The following SENP7 variants were observed in gnomAD, a reference collection of about 807,000 sequenced individuals.
SENP7 encodes SUMO specific peptidase 7.
A neutral mutation model predicts 141.2 loss-of-function variants in SENP7; 64 were observed. That is an observed-to-expected ratio of 0.45 (90% CI 0.37 to 0.56). The LOEUF (loss-of-function observed/expected upper bound fraction) is 0.56, where lower values mean the gene tolerates loss of function less well. SENP7 is among the 20% of genes least tolerant of loss of function. The pLI is 0.00. For missense variants in SENP7, 1,025 were observed against 1,212.2 expected, an observed-to-expected ratio of 0.85 and a Z score of 2.29; for synonymous variants, 382 against 426.4, an observed-to-expected ratio of 0.90 and a Z score of 1.28.
At chr3:101,329,956 GAA>G (rs1203567505) in intron 20 of SENP7, among the ~76,000 whole-genome samples, 3 of 57,320 alleles carry the variant, frequency 5.2e-5, no homozygotes, top group African/African-American at 6.6e-5. Flanking sequence ...CCATCACAAA[GAA>G]AAAAAAAAAA....
Position 101,386,671 on chromosome 3 carries a change from C to A in SENP7, c.677+12190G>T, listed in dbSNP as rs188603175. ...GCACTCTAGCCCAGACAGTATCCTG[C>A]GTGCCAGAAAACAAGTAGTGCAATG... is the stretch of plus-strand genomic sequence containing the variant. On this transcript the variant is annotated intron_variant, in intron 6 of 23. Coordinates refer to ENST00000394095, the MANE Select transcript of SENP7 (RefSeq NM_020654.5). Among the ~76,000 whole-genome samples, 954 of 152,296 alleles carry A rather than the reference C, an allele frequency of 6.3e-3. 4 individuals are homozygous for A. The highest frequency in any genetic ancestry group is 0.011 in the Admixed American group (162 of 15,300).
chr3:101,332,960 G>T (rs1351319785), intron 17 of SENP7, 98 bp from the exon 18 acceptor site: 1 of 1,169,350 alleles, frequency 8.6e-7, no homozygotes, highest in African/African-American at 1.6e-5. Flanking sequence ...CTTAAATTTA[G>T]TTTAACCATC....
chr3:101,454,508 C>T (rs1425019935), intron 4 of SENP7, among the ~76,000 whole-genome samples: 1 of 151,560 alleles, frequency 6.6e-6, no homozygotes, highest in Non-Finnish European at 1.5e-5. Context: ...GAGACTCCAT[C>T]TCAAAAGAAA....
intron 5 of SENP7, among the ~76,000 whole-genome samples, chr3:101,405,232 C>A (rs1234421116): frequency 6.6e-6 from 1 of 152,184 alleles, no homozygotes; most frequent in Non-Finnish European, 1.5e-5. Flanking sequence ...GGCTGAGAGA[C>A]CCATAGATGG....
chr3:101,418,943 G>A (rs1198676193), intron 4 of SENP7, among the ~76,000 whole-genome samples: 2 of 152,100 alleles, frequency 1.3e-5, no homozygotes, highest in Non-Finnish European at 2.9e-5. Context: ...GTATAATCTG[G>A]AGTTTCAGCT....
At chr3:101,354,647 T>C (rs1436079649) in intron 11 of SENP7, among the ~76,000 whole-genome samples, 1 of 152,120 alleles carries the variant, frequency 6.6e-6, no homozygotes, top group Non-Finnish European at 1.5e-5. Context: ...TCTGTCATTG[T>C]TGGGCACTTA....
intron 5 of SENP7, chr3:101,414,081 T>C (rs760812739): frequency 6.7e-6 from 2 of 299,614 alleles, no homozygotes; most frequent in East Asian, 6.5e-5. Flanking sequence ...GTTACTACCA[T>C]AGTAATAAAG....
intron 3 of SENP7, among the ~76,000 whole-genome samples, chr3:101,478,901 T>C (rs748556569): frequency 2.0e-5 from 3 of 152,062 alleles, no homozygotes; most frequent in Non-Finnish European, 2.9e-5. Flanking sequence ...GTTCAACATA[T>C]GCAAATCAAT....
intron 3 of SENP7, among the ~76,000 whole-genome samples, chr3:101,483,191 C>A (rs1446396378): frequency 6.6e-6 from 1 of 152,080 alleles, no homozygotes; most frequent in East Asian, 1.9e-4. Flanking sequence ...ATGGAATCAA[C>A]CTAGGTGCCC....
chr3:101,419,484 A>G (rs1256378127), intron 4 of SENP7, among the ~76,000 whole-genome samples: 1 of 152,208 alleles, frequency 6.6e-6, no homozygotes, highest in Non-Finnish European at 1.5e-5. Flanking sequence ...ACTTTATCAG[A>G]GGTAGTTTAG....
intron 4 of SENP7, among the ~76,000 whole-genome samples, chr3:101,431,556 C>A (rs1156478365): frequency 8.4e-6 from 1 of 119,674 alleles, no homozygotes; most frequent in Non-Finnish European, 1.6e-5. Flanking sequence ...GGTAGATCTT[C>A]CTACATCACT....
At chr3:101,358,448 C>A in intron 11 of SENP7, 1 of 380,136 alleles carries the variant, frequency 2.6e-6, no homozygotes, top group African/African-American at 2.1e-5. Flanking sequence ...TGTGGGAAAA[C>A]CTTTAACCAG....
chr3:101,507,892 T>C (rs151001236), intron 1 of SENP7, among the ~76,000 whole-genome samples: 4,511 of 151,510 alleles, frequency 0.03, 102 homozygotes, highest in Non-Finnish European at 0.05. Context: ...CTACTAAAAA[T>C]ACAAAAATTA....
chr3:101,347,961 CT>C lies in SENP7; in HGVS notation c.1747del (p.Arg583GlyfsTer22). The C allele has an allele frequency of 6.2e-7, 1 of 1,610,660 alleles. No homozygotes were observed. Among genetic ancestry groups the C allele is most frequent in the South Asian group, 1.1e-5 (1 of 90,766 alleles). On this transcript the variant is annotated frameshift_variant, in exon 13 of 24. Coordinates refer to ENST00000394095, the MANE Select transcript of SENP7 (RefSeq NM_020654.5). LOFTEE classifies it high-confidence loss of function. ...CCAGAAGAAAAGAATAGCATGACTC[CT>C]TTTACTGTGATTATCATCCTTACTT... ...WKSKDDNHSK[R>X]SHAILFFWVS...
chr3:101,500,660 TAA>T (rs996984015), intron 2 of SENP7, among the ~76,000 whole-genome samples: 2 of 152,156 alleles, frequency 1.3e-5, no homozygotes, highest in Admixed American at 1.3e-4. Context: ...GTAGAAGAAA[TAA>T]ATGAAAAAAA....
chr3:101,341,626 C>T lies in SENP7; in HGVS notation c.2240+20G>A. 6.8e-7 allele frequency: 1 copy of T among 1,481,310 alleles called. No homozygotes were observed. Among genetic ancestry groups the T allele is most frequent in the Non-Finnish European group, 9.1e-7 (1 of 1,097,788 alleles). 91.8% of individuals were successfully genotyped at this position (1,481,310 alleles called of 1,614,324 possible). On this transcript the variant is annotated intron_variant, in intron 15 of 23. Coordinates refer to ENST00000394095, the MANE Select transcript of SENP7 (RefSeq NM_020654.5). ...TACTAATATGCCCATCTACTACAAA[C>T]ATGCTATGACAGTACATACTTCTGA...
chr3:101,381,558 C>T (rs2060502987), intron 6 of SENP7, among the ~76,000 whole-genome samples: 1 of 151,818 alleles, frequency 6.6e-6, no homozygotes, highest in South Asian at 2.1e-4. Context: ...TATAAATATG[C>T]ATTATTGTTC....
intron 7 of SENP7, among the ~76,000 whole-genome samples, chr3:101,371,158 G>A (rs957515992): frequency 6.6e-6 from 1 of 152,058 alleles, no homozygotes; most frequent in African/African-American, 2.4e-5. Flanking sequence ...GCGTGGTGGT[G>A]CATGACTATA....
chr3:101,415,171 C>T (rs1158095896), intron 5 of SENP7, among the ~76,000 whole-genome samples: 1 of 152,164 alleles, frequency 6.6e-6, no homozygotes, highest in Non-Finnish European at 1.5e-5. Flanking sequence ...CAAGGGCATA[C>T]AAGTTGATTT....
Sources: gnomAD v4.1 joint callset for allele counts (sites outside exome capture counted in the v4.1 genomes callset) on GRCh38, gnomAD v4.1.1 for gene constraint, MANE v1.5 for transcripts, NCBI Gene and HGNC (gene_info 2026-07-23, HGNC 2026-07-21) for gene names.